The following LYPLAL1 variants were observed in gnomAD, a reference collection of about 807,000 sequenced individuals.
LYPLAL1 encodes the protein lysophospholipase-like protein 1.
Under a neutral mutation model 19.7 loss-of-function variants are expected in LYPLAL1, and 23 were observed. That is an observed-to-expected ratio of 1.17 (90% confidence interval 0.84 to 1.65). The LOEUF is 1.65. Among genes scored for constraint, LYPLAL1 ranks in the 40% most tolerant of loss-of-function variants. LYPLAL1 has a pLI of 0.00. For missense variants in LYPLAL1, 355 were observed against 279.4 expected (o/e 1.27, Z -1.93); for synonymous variants, 119 against 96.3 (o/e 1.24, Z -1.38).
the LYPLAL1 span, among the ~76,000 whole-genome samples, chr1:219,427,172 A>G: frequency 3.3e-5 from 5 of 152,214 alleles, no homozygotes; most frequent in Admixed American, 1.3e-4. Flanking sequence ...ATCTTCATCA[A>G]TGTGGCCAAA....
At chr1:219,347,287 A>T in the LYPLAL1 span, among the ~76,000 whole-genome samples, 3 of 122,886 alleles carry the variant, frequency 2.4e-5, no homozygotes, top group African/African-American at 9.5e-5. Context: ...CTTTTTAGCT[A>T]GGTCTGGCTT....
chr1:219,391,939 T>A, the LYPLAL1 span, among the ~76,000 whole-genome samples: 1 of 152,224 alleles, frequency 6.6e-6, no homozygotes. Context: ...ATCATTGATA[T>A]GTTCCCCATT....
the LYPLAL1 span, among the ~76,000 whole-genome samples, chr1:219,352,266 C>T: frequency 2.6e-5 from 4 of 151,988 alleles, no homozygotes; most frequent in East Asian, 7.7e-4. Context: ...CGCGGTGGCT[C>T]ACGCCTGTAA....
At chr1:219,395,856 C>A in the LYPLAL1 span, among the ~76,000 whole-genome samples, 1 of 152,118 alleles carries the variant, frequency 6.6e-6, no homozygotes, top group East Asian at 1.9e-4. Flanking sequence ...GTAATCCCAG[C>A]ACTTTGGGAG....
the LYPLAL1 span, among the ~76,000 whole-genome samples, chr1:219,322,478 T>C: frequency 6.6e-6 from 1 of 152,206 alleles, no homozygotes; most frequent in Admixed American, 6.5e-5. Flanking sequence ...ATAACTCATA[T>C]AAAACATATT....
chr1:219,203,998 G>C (rs17049143), intron 3 of LYPLAL1, among the ~76,000 whole-genome samples: 36,783 of 152,022 alleles, frequency 0.24, 4,645 homozygotes, highest in Non-Finnish European at 0.29. Context: ...GATATGCACT[G>C]CTTTCTTAAT....
the LYPLAL1 span, among the ~76,000 whole-genome samples, chr1:219,233,589 G>T: frequency 6.6e-6 from 1 of 152,076 alleles, no homozygotes; most frequent in Non-Finnish European, 1.5e-5. Flanking sequence ...GCAACATAGG[G>T]AGAACTTGTC....
At chr1:219,257,525 C>G in the LYPLAL1 span, among the ~76,000 whole-genome samples, 8 of 151,878 alleles carry the variant, frequency 5.3e-5, no homozygotes, top group Non-Finnish European at 8.8e-5. Context: ...GGAGACATCA[C>G]ATATCGGTAG....
chr1:219,444,525 T>A, the LYPLAL1 span, among the ~76,000 whole-genome samples: 1 of 152,212 alleles, frequency 6.6e-6, no homozygotes, highest in Non-Finnish European at 1.5e-5. Flanking sequence ...AAATGCCATA[T>A]AAAATCTCTC....
At chr1:219,294,226 C>T in the LYPLAL1 span, among the ~76,000 whole-genome samples, 2 of 152,222 alleles carry the variant, frequency 1.3e-5, no homozygotes, top group Non-Finnish European at 2.9e-5. Flanking sequence ...TGGAAGGATG[C>T]CTGCCTTTGT....
At chr1:219,344,499 A>T in the LYPLAL1 span, among the ~76,000 whole-genome samples, 1 of 152,106 alleles carries the variant, frequency 6.6e-6, no homozygotes, top group African/African-American at 2.4e-5. Context: ...TTTTATCAGA[A>T]TTCTTCATCT....
chr1:219,269,846 A>G, the LYPLAL1 span, among the ~76,000 whole-genome samples: 37 of 152,376 alleles, frequency 2.4e-4, no homozygotes, highest in Non-Finnish European at 4.0e-4. Context: ...TTCTAAATAT[A>G]TTCTTGCCAT....
At chr1:219,226,293 T>C in the LYPLAL1 span, among the ~76,000 whole-genome samples, 3 of 152,246 alleles carry the variant, frequency 2.0e-5, no homozygotes, top group Admixed American at 2.0e-4. Context: ...TTCTTTTATA[T>C]TTATTTCATA....
intron 2 of LYPLAL1, among the ~76,000 whole-genome samples, chr1:219,185,722 C>T (rs1656670771): frequency 6.6e-6 from 1 of 151,890 alleles, no homozygotes; most frequent in Admixed American, 6.6e-5. Flanking sequence ...GGCTCACTCA[C>T]ATATATGGCA....
chr1:219,217,301 A>G (rs985531487), downstream of LYPLAL1, among the ~76,000 whole-genome samples: 1 of 151,830 alleles, frequency 6.6e-6, no homozygotes, highest in African/African-American at 2.4e-5. Flanking sequence ...TTTTTAATGA[A>G]TGCTTGTTCT....
the LYPLAL1 span, among the ~76,000 whole-genome samples, chr1:219,429,664 T>TA: frequency 6.6e-6 from 1 of 151,678 alleles, no homozygotes; most frequent in Admixed American, 6.6e-5. Flanking sequence ...CTCAAAAAAA[T>TA]AAAAAAATAA....
chr1:219,240,253 A>T, the LYPLAL1 span, among the ~76,000 whole-genome samples: 1 of 152,194 alleles, frequency 6.6e-6, no homozygotes, highest in African/African-American at 2.4e-5. Context: ...TGGCCTAGAG[A>T]AATATAACTT....
chr1:219,273,678 C>T, the LYPLAL1 span, among the ~76,000 whole-genome samples: 1 of 152,188 alleles, frequency 6.6e-6, no homozygotes, highest in Non-Finnish European at 1.5e-5. Flanking sequence ...TCTTTCTTCT[C>T]AAAAGGAATT....
chr1:219,201,412 A>G (rs1658088331), intron 3 of LYPLAL1, among the ~76,000 whole-genome samples: 1 of 151,930 alleles, frequency 6.6e-6, no homozygotes, highest in African/African-American at 2.4e-5. Context: ...CTGAAGTACC[A>G]AGAGAACCTT....
Sources: allele counts gnomAD v4.1 joint callset (sites outside exome capture counted in the v4.1 genomes callset), GRCh38; gene constraint gnomAD v4.1.1; transcripts MANE v1.5; gene names NCBI Gene and HGNC (gene_info 2026-07-23, HGNC 2026-07-21).